GRIN3A: variants seen among roughly 807,000 people sequenced by gnomAD.
GRIN3A encodes glutamate receptor ionotropic, NMDA 3A.
Under a neutral mutation model 92.4 loss-of-function variants are expected in GRIN3A, and 47 were observed. The ratio of observed to expected loss-of-function variants is 0.51; its 90% CI spans 0.40 to 0.65. GRIN3A has a LOEUF of 0.65. GRIN3A is among the 30% of genes least tolerant of loss of function. The probability of loss-of-function intolerance (pLI) is 0.00; values close to 1 mark genes in which losing one functional copy is unlikely to be tolerated. For synonymous variants in GRIN3A, 527 were observed against 540.6 expected, an observed-to-expected ratio of 0.97 and a Z score of 0.35; for missense variants, 1,324 against 1,393.1, an observed-to-expected ratio of 0.95 and a Z score of 0.79.
At chr9:101,715,902 A>T (rs10124481) in intron 1 of GRIN3A, among the ~76,000 whole-genome samples, 1 of 152,174 alleles carries the variant, frequency 6.6e-6, no homozygotes, top group Non-Finnish European at 1.5e-5. Flanking sequence ...CCTTGTAAAT[A>T]CATTTTTAAA....
At chr9:101,680,984 CAAT>C (rs1829459221) in intron 2 of GRIN3A, among the ~76,000 whole-genome samples, 1 of 152,180 alleles carries the variant, frequency 6.6e-6, no homozygotes, top group South Asian at 2.1e-4. Flanking sequence ...CCAAGAACAA[CAAT>C]GTGTCTGTCA....
At chr9:101,681,268 A>C (rs1254148341) in intron 2 of GRIN3A, among the ~76,000 whole-genome samples, 3 of 152,212 alleles carry the variant, frequency 2.0e-5, no homozygotes, top group African/African-American at 4.8e-5. Flanking sequence ...TTTATATCCT[A>C]ATGTTTAAAA....
intron 3 of GRIN3A, among the ~76,000 whole-genome samples, chr9:101,648,612 A>G (rs1828970442): frequency 6.6e-6 from 1 of 151,998 alleles, no homozygotes; most frequent in African/African-American, 2.4e-5. Context: ...AGTTCTATTA[A>G]TATTTGTTCT....
intron 6 of GRIN3A, among the ~76,000 whole-genome samples, chr9:101,586,708 G>A (rs1827955149): frequency 6.6e-6 from 1 of 152,130 alleles, no homozygotes; most frequent in Admixed American, 6.5e-5. Context: ...CTTTCTTTGG[G>A]GAACTGCCCT....
chr9:101,719,865 T>C (rs937996374), intron 1 of GRIN3A, among the ~76,000 whole-genome samples: 8 of 152,228 alleles, frequency 5.3e-5, no homozygotes, highest in Admixed American at 4.6e-4. Flanking sequence ...ATCCTAGCTT[T>C]AATACTTGAC....
intron 6 of GRIN3A, among the ~76,000 whole-genome samples, chr9:101,597,960 C>A (rs1185611594): frequency 3.3e-5 from 5 of 152,086 alleles, no homozygotes; most frequent in African/African-American, 7.2e-5. Context: ...GTTATAGGCT[C>A]ATGAGCCATG....
chr9:101,700,931 T>C (rs1220853636), intron 1 of GRIN3A, among the ~76,000 whole-genome samples: 1 of 152,186 alleles, frequency 6.6e-6, no homozygotes, highest in East Asian at 1.9e-4. Context: ...TCTATTATCA[T>C]TATGGATCCT....
chr9:101,723,186 C>T (rs900995409), intron 1 of GRIN3A, among the ~76,000 whole-genome samples: 8 of 152,170 alleles, frequency 5.3e-5, no homozygotes, highest in Admixed American at 2.0e-4. Context: ...CGCGGACCCT[C>T]GCGGTGAGTG....
At position 101,613,489 on chromosome 9, in the gene GRIN3A, C is replaced by T. The variant is rs372945887; in HGVS notation, c.2653G>A (p.Ala885Thr). Residue 885 changes from alanine (A) to threonine (T), a missense_variant, in exon 6 of 9, where the codon GCC becomes ACC. By Grantham distance (58) the Ala-to-Thr change is moderately conservative. Transcript: ENST00000361820. ...IGLPPNSPLT[A>T]NISELISQYK... ...TGACTGATTAGCTCGGATATGTTGG[C>T]GGTCAATGGAGAGTTGGGTGGGAGG... The T allele has an allele frequency of 2.5e-5, 40 of 1,613,964 alleles. No individual in the cohort carries two copies. Among genetic ancestry groups the T allele is most frequent in the South Asian group, 1.2e-4 (11 of 91,084 alleles).
intron 3 of GRIN3A, among the ~76,000 whole-genome samples, chr9:101,668,242 T>G (rs1829268989): frequency 6.7e-6 from 1 of 150,338 alleles, no homozygotes; most frequent in Non-Finnish European, 1.5e-5. Context: ...CAGATTTTCA[T>G]GCATAGCATC....
intron 6 of GRIN3A, among the ~76,000 whole-genome samples, chr9:101,586,977 C>A (rs1034849663): frequency 1.3e-5 from 2 of 152,172 alleles, no homozygotes; most frequent in Non-Finnish European, 2.9e-5. Context: ...AAACATTGAG[C>A]TTTCCCGTTA....
At chr9:101,715,511 T>C (rs1470255449) in intron 1 of GRIN3A, among the ~76,000 whole-genome samples, 1 of 152,162 alleles carries the variant, frequency 6.6e-6, no homozygotes, top group African/African-American at 2.4e-5. Flanking sequence ...ATAAAATATC[T>C]CAACAAATTA....
chr9:101,575,476 G>A (rs1232627106), intron 8 of GRIN3A, among the ~76,000 whole-genome samples: 1 of 152,102 alleles, frequency 6.6e-6, no homozygotes, highest in African/African-American at 2.4e-5. Context: ...GTATTGATTG[G>A]GAACCCAGTG....
Position 101,661,716 on chromosome 9 carries a change from G to A in GRIN3A, c.2352+8344C>T, listed in dbSNP as rs1829174393. Among the ~76,000 whole-genome samples the A allele has an allele frequency of 2.6e-5, 4 of 151,796 alleles. No individual in the cohort carries two copies. In the South Asian group the frequency reaches 8.3e-4, roughly 31 times the overall value. On this transcript the variant is annotated intron_variant, in intron 3 of 8. Coordinates refer to ENST00000361820, the MANE Select transcript of GRIN3A (RefSeq NM_133445.3). ...GTCCACATACTATATTATGTGGACA[G>A]ATTCCTAGAAGTGAAAGTCAAGGGC...
chr9:101,653,658 T>C (rs2118921163), intron 3 of GRIN3A, among the ~76,000 whole-genome samples: 1 of 152,010 alleles, frequency 6.6e-6, no homozygotes, highest in African/African-American at 2.4e-5. Flanking sequence ...AACTGCTATT[T>C]AGAACTTTAG....
At chr9:101,662,091 G>A (rs1829179073) in intron 3 of GRIN3A, among the ~76,000 whole-genome samples, 2 of 151,720 alleles carry the variant, frequency 1.3e-5, no homozygotes, top group African/African-American at 2.4e-5. Context: ...CTTAAAGGTC[G>A]CATAACATAC....
chr9:101,687,440 G>T (rs1042897680), intron 1 of GRIN3A, among the ~76,000 whole-genome samples: 2 of 152,130 alleles, frequency 1.3e-5, no homozygotes, highest in Admixed American at 1.3e-4. Context: ...TTCTTGGTGT[G>T]AATATCAGAA....
chr9:101,728,351 C>G (rs1438085750), intron 1 of GRIN3A, among the ~76,000 whole-genome samples: 1 of 152,092 alleles, frequency 6.6e-6, no homozygotes, highest in Non-Finnish European at 1.5e-5. Flanking sequence ...AATGACCACC[C>G]CTGGCGGTGA....
rs1306546410 is a variant in GRIN3A, at chr9:101,619,730, G to T, written c.2614+3588C>A. On this transcript the variant is annotated intron_variant, in intron 5 of 8. Transcript: ENST00000361820. ...AAGAACAAACTCATAAACAGGCAAA[G>T]GTCTTTGGCAGAAAGATCACACATC... Among the ~76,000 whole-genome samples, 3 of 152,284 alleles carry T rather than the reference G, an allele frequency of 2.0e-5. No homozygotes were observed. The East Asian group carries it at 5.8e-4, about 29-fold the overall frequency.
Sources: gnomAD v4.1 joint callset for allele counts (sites outside exome capture counted in the v4.1 genomes callset) on GRCh38, gnomAD v4.1.1 for gene constraint, MANE v1.5 for transcripts, NCBI Gene and HGNC (gene_info 2026-07-23, HGNC 2026-07-21) for gene names.